The following SCN1A variants were observed in gnomAD, a reference collection of about 807,000 sequenced individuals.
SCN1A encodes sodium voltage-gated channel alpha subunit 1, also known as sodium channel protein type 1 subunit alpha.
SCN1A carries 13 observed loss-of-function variants against 193.7 expected under a neutral mutation model. The ratio of observed to expected loss-of-function variants is 0.07; its 90% CI spans 0.04 to 0.11. SCN1A has a LOEUF of 0.11. SCN1A is among the 10% of genes least tolerant of loss of function. The probability of loss-of-function intolerance (pLI) is 1.00; values close to 1 mark genes in which losing one functional copy is unlikely to be tolerated. For synonymous variants in SCN1A, 781 were observed against 843.6 expected (o/e 0.93, Z 1.29); for missense variants, 1,432 against 2,451.1 (o/e 0.58, Z 8.78).
chr2:165,986,251 CATT>C lies in SCN1A; in HGVS notation c.*4991_*4993del, dbSNP rs1553518886. On this transcript the variant is annotated 3_prime_UTR_variant, in exon 29 of 29. Coordinates refer to ENST00000674923, the MANE Select transcript of SCN1A (RefSeq NM_001165963.4). Reference sequence around the variant, plus strand: ...TGTTCAGCTTTATAAATATTTATGGCATTATTCTTAATTTTCTGGCTTAACTAT... The same window carrying C: ...TGTTCAGCTTTATAAATATTTATGGCATTCTTAATTTTCTGGCTTAACTAT... 1 of 152,020 alleles carries C rather than the reference CATT, an allele frequency of 6.6e-6. No individual in the cohort carries two copies. The highest frequency in any genetic ancestry group is 1.5e-5 in the Non-Finnish European group (1 of 67,988). The allele number at this position is 152,020 out of a possible 1,614,324, so 9.4% of individuals were successfully genotyped here.
intron 19 of SCN1A, among the ~76,000 whole-genome samples, chr2:166,034,551 A>T (rs545065815): frequency 6.6e-6 from 1 of 152,304 alleles, no homozygotes; most frequent in South Asian, 2.1e-4. Flanking sequence ...GAGATTTCCA[A>T]ACACTAAATG....
At chr2:166,123,829 T>G (rs976919338) in intron 2 of SCN1A, among the ~76,000 whole-genome samples, 3 of 152,196 alleles carry the variant, frequency 2.0e-5, no homozygotes, top group African/African-American at 7.2e-5. Context: ...ATCTCTGAGA[T>G]TCCACAGATC....
rs757253106 is a variant in SCN1A at position 166,046,824 on chromosome 2, C to T, written c.1323G>A (p.Glu441=). The change falls in exon 12 of 29, where the codon GAG becomes GAA. Residue 441 remains glutamate (E), a synonymous_variant. Transcript: ENST00000674923. ...GTTCAATCATCTGCTGAAATTCGGC[C>T]TCTTTCTGTTCTGCTTCTTCCAAGG... ...QATLEEAEQK[E]AEFQQMIEQL... 2 of 1,613,884 alleles carry T rather than the reference C, an allele frequency of 1.2e-6. No homozygotes were observed. Among genetic ancestry groups the T allele is most frequent in the South Asian group, 1.1e-5 (1 of 91,080 alleles).
chr2:166,063,277 A>G (rs931645799), intron 4 of SCN1A, among the ~76,000 whole-genome samples: 12 of 152,154 alleles, frequency 7.9e-5, no homozygotes, highest in African/African-American at 2.9e-4. Flanking sequence ...GATTTTATAT[A>G]TGAAAAATCA....
chr2:166,077,627 A>G (rs368047411), intron 3 of SCN1A, 83 bp downstream of exon 3: 1 of 152,006 alleles, frequency 6.6e-6, no homozygotes, highest in South Asian at 2.1e-4. Context: ...GGGCAAGCAA[A>G]ATGGTACAGC....
intron 2 of SCN1A, among the ~76,000 whole-genome samples, chr2:166,119,686 CT>C (rs1332014497): frequency 8.5e-5 from 13 of 152,240 alleles, no homozygotes; most frequent in Admixed American, 4.6e-4. Context: ...ATTCCCAAAG[CT>C]TTTCCATTGT....
At chr2:166,018,969 T>C (rs933489996) in intron 19 of SCN1A, among the ~76,000 whole-genome samples, 8 of 152,190 alleles carry the variant, frequency 5.3e-5, no homozygotes, top group African/African-American at 1.9e-4. Context: ...TAAATTATCT[T>C]ATATTTAAAA....
chr2:166,035,477 T>C (rs972723829), intron 19 of SCN1A, among the ~76,000 whole-genome samples: 2 of 152,164 alleles, frequency 1.3e-5, no homozygotes, highest in Non-Finnish European at 2.9e-5. Flanking sequence ...GGAAAATATA[T>C]AATAATAAAT....
chr2:166,075,945 GAATT>G (rs769087402), intron 3 of SCN1A, among the ~76,000 whole-genome samples: 32 of 151,880 alleles, frequency 2.1e-4, no homozygotes, highest in Non-Finnish European at 4.0e-4. Flanking sequence ...TTATACTTAA[GAATT>G]ATTTTTTATT....
chr2:166,039,910 C>CTTTTT (rs10523688), intron 16 of SCN1A, among the ~76,000 whole-genome samples: 5 of 110,876 alleles, frequency 4.5e-5, no homozygotes, highest in African/African-American at 1.3e-4. Context: ...TACAAGTCAT[C>CTTTTT]TTTTTTTTTT....
intron 19 of SCN1A, among the ~76,000 whole-genome samples, chr2:166,018,771 A>G (rs2105659581): frequency 6.6e-6 from 1 of 152,240 alleles, no homozygotes; most frequent in Non-Finnish European, 1.5e-5. Flanking sequence ...GCAATTGGAC[A>G]TACACGAACT....
chr2:166,088,441 T>G (rs745826651), intron 2 of SCN1A, among the ~76,000 whole-genome samples: 2 of 152,168 alleles, frequency 1.3e-5, no homozygotes, highest in African/African-American at 2.4e-5. Flanking sequence ...AATGCATGCT[T>G]TTTTGGATTC....
upstream of SCN1A, among the ~76,000 whole-genome samples, chr2:166,131,031 A>G (rs1268419814): frequency 6.6e-6 from 1 of 152,028 alleles, no homozygotes; most frequent in Non-Finnish European, 1.5e-5. Context: ...GGCTCCCAGA[A>G]TGTAAACTCC....
At chr2:166,029,578 A>T (rs926046122) in intron 19 of SCN1A, among the ~76,000 whole-genome samples, 2 of 152,170 alleles carry the variant, frequency 1.3e-5, no homozygotes, top group African/African-American at 4.8e-5. Flanking sequence ...ATTAGATGGA[A>T]AAATATCAGC....
At chr2:166,107,853 T>C (rs952511962) in intron 2 of SCN1A, among the ~76,000 whole-genome samples, 3 of 152,100 alleles carry the variant, frequency 2.0e-5, no homozygotes, top group Non-Finnish European at 4.4e-5. Flanking sequence ...ACTATAATTC[T>C]TTAAAAATAT....
In SCN1A at chr2:166,053,790, T is replaced by C. The variant is rs79126514; in HGVS notation, c.603-847A>G. ...AAAAAATCAGCTCCTGAAGGAAGGA[T>C]GAGGGTAAGTGTTGTTGGGCTGCCT... On this transcript the variant is annotated intron_variant, in intron 7 of 28. Coordinates refer to ENST00000674923, the MANE Select transcript of SCN1A (RefSeq NM_001165963.4). Among the ~76,000 whole-genome samples, 3 of 151,954 alleles carry C rather than the reference T, an allele frequency of 2.0e-5. No individual in the cohort carries two copies. The East Asian group carries it at 5.8e-4, about 29-fold the overall frequency.
chr2:166,066,167 G>T (rs1315044064), intron 4 of SCN1A, among the ~76,000 whole-genome samples: 1 of 152,128 alleles, frequency 6.6e-6, no homozygotes, highest in Non-Finnish European at 1.5e-5. Context: ...AGGCTGCAGA[G>T]CCCTCAACCT....
At chr2:166,087,599 T>A (rs1686281982) in intron 2 of SCN1A, among the ~76,000 whole-genome samples, 1 of 152,120 alleles carries the variant, frequency 6.6e-6, no homozygotes, top group Non-Finnish European at 1.5e-5. Context: ...CAATAGAAGC[T>A]GATTCTGGTG....
intron 25 of SCN1A, among the ~76,000 whole-genome samples, 158 bp from the exon 26 acceptor site, chr2:165,998,333 T>C (rs1447382769): frequency 6.6e-6 from 1 of 150,928 alleles, no homozygotes; most frequent in Non-Finnish European, 1.5e-5. Flanking sequence ...TCCCTGAAAT[T>C]GGCCTTTAGG....
Sources: allele counts gnomAD v4.1 joint callset (sites outside exome capture counted in the v4.1 genomes callset), GRCh38; gene constraint gnomAD v4.1.1; transcripts MANE v1.5; gene names NCBI Gene and HGNC (gene_info 2026-07-23, HGNC 2026-07-21).